TRERF1: variants seen among roughly 807,000 people sequenced by gnomAD.
The protein encoded by TRERF1 is transcriptional regulating factor 1.
TRERF1 carries 27 observed loss-of-function variants against 122.9 expected under a neutral mutation model. The observed-to-expected ratio is 0.22, with a 90% confidence interval of 0.16 to 0.30. The LOEUF (loss-of-function observed/expected upper bound fraction) is 0.30. Among genes scored for constraint, TRERF1 ranks in the 10% least tolerant of loss-of-function variants. TRERF1 has a pLI of 1.00. For missense variants in TRERF1, 1,248 were observed against 1,560.3 expected, an observed-to-expected ratio of 0.80 and a Z score of 3.37; for synonymous variants, 636 against 641.7, an observed-to-expected ratio of 0.99 and a Z score of 0.13.
chr6:42,392,868 A>C (rs1467876860), intron 2 of TRERF1, among the ~76,000 whole-genome samples: 5 of 152,058 alleles, frequency 3.3e-5, no homozygotes, highest in Non-Finnish European at 4.4e-5. Context: ...CTGGAGATGA[A>C]GTCCTGAGAA....
intron 2 of TRERF1, among the ~76,000 whole-genome samples, chr6:42,441,584 C>T (rs1786524869): frequency 6.6e-6 from 1 of 152,082 alleles, no homozygotes. Context: ...TCTTCAGTGG[C>T]TGCAAGGACT....
At chr6:42,372,817 C>A (rs529004917) in intron 2 of TRERF1, among the ~76,000 whole-genome samples, 1 of 152,174 alleles carries the variant, frequency 6.6e-6, no homozygotes, top group Non-Finnish European at 1.5e-5. Context: ...AAGCAGTGGG[C>A]CAGCACACAC....
intron 2 of TRERF1, among the ~76,000 whole-genome samples, chr6:42,408,287 G>GTGTGTATGTATATATACATACACA (rs1780565701): frequency 7.6e-6 from 1 of 130,974 alleles, no homozygotes; most frequent in South Asian, 2.3e-4. Context: ...ACATACACAT[G>GTGTGTATGTATATATACATACACA]TGTGTGTATG....
intron 2 of TRERF1, among the ~76,000 whole-genome samples, chr6:42,369,367 C>G (rs1773349006): frequency 6.6e-6 from 1 of 152,158 alleles, no homozygotes; most frequent in Non-Finnish European, 1.5e-5. Context: ...TCGCTTGAAC[C>G]TGGGAGGCAG....
At chr6:42,366,280 C>T (rs759393330) in intron 2 of TRERF1, among the ~76,000 whole-genome samples, 2 of 152,214 alleles carry the variant, frequency 1.3e-5, no homozygotes, top group African/African-American at 4.8e-5. Flanking sequence ...TGCAACTGCC[C>T]GCTGCTCAAC....
At chr6:42,414,923 G>T (rs1210541338) in intron 2 of TRERF1, among the ~76,000 whole-genome samples, 1 of 152,176 alleles carries the variant, frequency 6.6e-6, no homozygotes, top group Non-Finnish European at 1.5e-5. Context: ...ATACCTATTA[G>T]TGGAACTGCT....
intron 12 of TRERF1, 59 bp from the exon 13 acceptor site, chr6:42,254,985 A>C: frequency 1.3e-6 from 2 of 1,549,680 alleles, no homozygotes; most frequent in Non-Finnish European, 1.8e-6. Context: ...TGTCCTATGG[A>C]GATCATCTAC....
chr6:42,225,932 G>C (rs1562084892), exon 18 of TRERF1: 1 of 152,042 alleles, frequency 6.6e-6, no homozygotes. Flanking sequence ...AACAGTAACC[G>C]AGTTGAGACA....
At chr6:42,417,556 GA>G (rs1013184512) in intron 2 of TRERF1, among the ~76,000 whole-genome samples, 5 of 152,214 alleles carry the variant, frequency 3.3e-5, no homozygotes, top group African/African-American at 1.2e-4. Context: ...GTGCAGCAGA[GA>G]GTGGTCCAAG....
chr6:42,261,876 C>T (rs565099981), intron 8 of TRERF1, among the ~76,000 whole-genome samples: 8 of 152,172 alleles, frequency 5.3e-5, no homozygotes, highest in African/African-American at 1.9e-4. Context: ...TCCCTTGCCC[C>T]TCCCCAGTCC....
intron 3 of TRERF1, among the ~76,000 whole-genome samples, chr6:42,337,580 C>T (rs796225038): frequency 3.3e-5 from 5 of 152,106 alleles, no homozygotes; most frequent in Admixed American, 6.5e-5. Context: ...CAGACAGGCA[C>T]GCGTAATGTG....
chr6:42,391,953 G>C (rs1777809715), intron 2 of TRERF1, among the ~76,000 whole-genome samples: 1 of 152,190 alleles, frequency 6.6e-6, no homozygotes, highest in South Asian at 2.1e-4. Context: ...AGGCTGGGCT[G>C]TGTCTCAGGA....
intron 2 of TRERF1, among the ~76,000 whole-genome samples, chr6:42,406,345 C>A (rs776587348): frequency 1.3e-5 from 2 of 152,228 alleles, no homozygotes; most frequent in Non-Finnish European, 2.9e-5. Context: ...CTGCCCCTCT[C>A]CTCACTCCAC....
intron 2 of TRERF1, among the ~76,000 whole-genome samples, chr6:42,375,831 C>T (rs1299002558): frequency 6.6e-6 from 1 of 152,114 alleles, no homozygotes; most frequent in Non-Finnish European, 1.5e-5. Context: ...AACCCCTGGA[C>T]AAGGGCAAGC....
chr6:42,438,294 A>AGCATGGCC (rs1186322098), intron 2 of TRERF1, among the ~76,000 whole-genome samples: 2 of 151,016 alleles, frequency 1.3e-5, no homozygotes, highest in African/African-American at 4.9e-5. Flanking sequence ...GCCAGAGCAC[A>AGCATGGCC]TTGCCTCACC....
At position 42,304,070 on chromosome 6, in the gene TRERF1, C is replaced by T. The variant is rs577624789; in HGVS notation, c.-370-3321G>A. 2.0e-5 allele frequency among the ~76,000 whole-genome samples: 3 copies of T among 152,260 alleles called. No individual in the cohort carries two copies. In the South Asian group the frequency reaches 6.2e-4, roughly 32 times the overall value. On this transcript the variant is annotated intron_variant, in intron 3 of 17. Coordinates refer to ENST00000372922, the Ensembl canonical transcript of TRERF1. Reference sequence around the variant, plus strand: ...ATAGGGGCACCCTTGCCCTCCCTCCCAATGTATGATAAGTTTTAAGATTCT... The same window carrying T: ...ATAGGGGCACCCTTGCCCTCCCTCCTAATGTATGATAAGTTTTAAGATTCT...
chr6:42,418,237 T>TTTTTTTGGTG (rs67466249), intron 2 of TRERF1, among the ~76,000 whole-genome samples: 1 of 117,028 alleles, frequency 8.5e-6, no homozygotes, highest in Non-Finnish European at 1.8e-5. Flanking sequence ...TTTTTTTTTT[T>TTTTTTTGGTG]GAGATGGAGT....
At chr6:42,282,091 G>T (rs34328841) in intron 4 of TRERF1, among the ~76,000 whole-genome samples, 4,158 of 152,282 alleles carry the variant, frequency 0.027, 57 homozygotes, top group Non-Finnish European at 0.037. Flanking sequence ...CTAGGGAGTT[G>T]GTTAAAGCAG....
At chr6:42,405,330 G>A (rs1780005966) in intron 2 of TRERF1, among the ~76,000 whole-genome samples, 1 of 152,176 alleles carries the variant, frequency 6.6e-6, no homozygotes, top group Admixed American at 6.5e-5. Context: ...CTCAGGGATG[G>A]AGACAGAATT....
Sources: allele counts gnomAD v4.1 joint callset (sites outside exome capture counted in the v4.1 genomes callset), GRCh38; gene constraint gnomAD v4.1.1; transcripts MANE v1.5; gene names NCBI Gene and HGNC (gene_info 2026-07-23, HGNC 2026-07-21).